The following CYSLTR1 variants were observed in gnomAD, a reference collection of about 807,000 sequenced individuals.
The protein encoded by CYSLTR1 is G-protein coupled receptor HG55.
A neutral mutation model predicts 2.1 loss-of-function variants in CYSLTR1; 1 was observed. The ratio of observed to expected loss-of-function variants is 0.48; its 90% CI spans 0.17 to 2.28. The LOEUF is 2.28. Among genes scored for constraint, CYSLTR1 ranks in the 30% most tolerant of loss-of-function variants. The probability of loss-of-function intolerance (pLI) is 0.26; values close to 1 mark genes in which losing one functional copy is unlikely to be tolerated. For synonymous variants in CYSLTR1, 110 were observed against 89.6 expected (o/e 1.23, Z -1.28); for missense variants, 299 against 250.1 (o/e 1.20, Z -1.32).
chrX:78,305,252 C>A (rs1310122146), intron 1 of CYSLTR1, among the ~76,000 whole-genome samples: 1 of 112,294 alleles, frequency 8.9e-6, no homozygotes, highest in Non-Finnish European at 1.9e-5. Flanking sequence ...TTTGCTCCAA[C>A]AAAGTGCAAT....
rs1923565762 is a variant in CYSLTR1 at position 78,319,727 on chromosome X, C to A, written c.-115+7578G>T. Reference sequence around the variant, plus strand: ...TGGTTGGACTGCTTTACAAACCCACCAACAGTGTAAAAGTGTTCCTATTTC... The same window carrying A: ...TGGTTGGACTGCTTTACAAACCCACAAACAGTGTAAAAGTGTTCCTATTTC... On this transcript the variant is annotated intron_variant, in intron 1 of 2. Transcript: ENST00000373304. 3.6e-5 allele frequency: 4 copies of A among 112,129 alleles called. No homozygotes were observed. In the South Asian group the frequency reaches 1.5e-3, roughly 42 times the overall value. 9.2% of individuals were successfully genotyped at this position (112,129 alleles called of 1,213,427 possible). A position where few individuals can be genotyped will look rare whatever the true frequency, so the allele number is the denominator to read the frequency against.
intron 2 of CYSLTR1, among the ~76,000 whole-genome samples, chrX:78,277,489 C>T (rs1416996680): frequency 7.1e-5 from 8 of 111,921 alleles, no homozygotes; most frequent in African/African-American, 9.8e-5. Flanking sequence ...ACCCCCCACA[C>T]CCCTGAAGTG....
chrX:78,279,370 A>G (rs1346719676), intron 2 of CYSLTR1, among the ~76,000 whole-genome samples: 1 of 112,131 alleles, frequency 8.9e-6, no homozygotes, highest in East Asian at 2.8e-4. Context: ...ATCACTAATC[A>G]GAGAAATGCA....
intron 1 of CYSLTR1, among the ~76,000 whole-genome samples, chrX:78,305,475 T>C (rs1922996842): frequency 9.0e-6 from 1 of 110,736 alleles, no homozygotes; most frequent in African/African-American, 3.3e-5. Context: ...GTTGGAGACA[T>C]CAGATATACT....
chrX:78,304,360 G>C (rs1008796429), intron 1 of CYSLTR1, among the ~76,000 whole-genome samples: 5 of 111,232 alleles, frequency 4.5e-5, no homozygotes, highest in African/African-American at 1.6e-4. Flanking sequence ...ATCATTTGTT[G>C]TATGAGAAGT....
intron 1 of CYSLTR1, among the ~76,000 whole-genome samples, chrX:78,285,362 C>T (rs1460754129): frequency 1.0e-5 from 1 of 100,480 alleles, no homozygotes; most frequent in Non-Finnish European, 2.0e-5. Flanking sequence ...GCGGAGCTTG[C>T]AGTGAGCCGA....
Position 78,271,636 on chromosome X carries a change from T to A in CYSLTR1, c.*1097A>T, listed in dbSNP as rs1450129534. On this transcript the variant is annotated 3_prime_UTR_variant, in exon 3 of 3. Coordinates refer to ENST00000373304, the MANE Select transcript of CYSLTR1 (RefSeq NM_006639.4). Reference sequence around the variant, plus strand: ...CAAAGCGTCCACTGTAATATAAAAGTCACTGTAAACATATCCATGATATTC... The same window carrying A: ...CAAAGCGTCCACTGTAATATAAAAGACACTGTAAACATATCCATGATATTC... 1 of 111,918 alleles carries A rather than the reference T, an allele frequency of 8.9e-6. No homozygotes were observed. The highest frequency in any genetic ancestry group is 1.9e-5 in the Non-Finnish European group (1 of 53,188). The allele number at this position is 111,918 out of a possible 1,213,427, so 9.2% of individuals were successfully genotyped here.
At chrX:78,295,434 G>A (rs1922536932) in intron 1 of CYSLTR1, among the ~76,000 whole-genome samples, 1 of 107,264 alleles carries the variant, frequency 9.3e-6, no homozygotes, top group Non-Finnish European at 1.9e-5. Flanking sequence ...AGATCATATG[G>A]GAATTCTATT....
chrX:78,323,855 G>A lies in CYSLTR1; in HGVS notation c.-115+3450C>T, dbSNP rs745340004. On this transcript the variant is annotated intron_variant, in intron 1 of 2. Coordinates refer to ENST00000373304, the MANE Select transcript of CYSLTR1 (RefSeq NM_006639.4). ...TGTCTGGGTTGTATTGATTCTGAAAGCACTCTAAGCAAGATAATGACATTT... is the reference window on the plus strand; with the variant it reads ...TGTCTGGGTTGTATTGATTCTGAAAACACTCTAAGCAAGATAATGACATTT... 3.6e-5 allele frequency among the ~76,000 whole-genome samples: 4 copies of A among 111,717 alleles called. No homozygotes were observed. The South Asian group carries it at 1.5e-3, about 42-fold the overall frequency.
At chrX:78,290,317 C>CT (rs1172404600) in intron 1 of CYSLTR1, among the ~76,000 whole-genome samples, 1 of 111,346 alleles carries the variant, frequency 9.0e-6, no homozygotes, top group Non-Finnish European at 1.9e-5. Flanking sequence ...TTCCATTGGT[C>CT]TGTATACCTG....
chrX:78,323,992 A>C (rs1847259619), intron 1 of CYSLTR1, among the ~76,000 whole-genome samples: 1 of 111,353 alleles, frequency 9.0e-6, no homozygotes, highest in South Asian at 3.8e-4. Flanking sequence ...TATCCCCCAA[A>C]TTTAAAGTAT....
At chrX:78,297,909 C>A (rs1282665592) in intron 1 of CYSLTR1, among the ~76,000 whole-genome samples, 1 of 110,231 alleles carries the variant, frequency 9.1e-6, no homozygotes, top group Non-Finnish European at 1.9e-5. Flanking sequence ...CTTTTTCTTC[C>A]ACTAATTTGG....
chrX:78,302,424 G>T (rs1490282997), intron 1 of CYSLTR1, among the ~76,000 whole-genome samples: 1 of 111,214 alleles, frequency 9.0e-6, no homozygotes, highest in African/African-American at 3.3e-5. Flanking sequence ...TGGCTGAGCT[G>T]GTACCTGAGG....
chrX:78,275,112 C>T (rs1178180220), intron 2 of CYSLTR1, among the ~76,000 whole-genome samples: 2 of 111,799 alleles, frequency 1.8e-5, no homozygotes, highest in Non-Finnish European at 1.9e-5. Context: ...GAAATAGGAA[C>T]ACTTTTGCAC....
At chrX:78,294,516 G>T (rs1389885044) in intron 1 of CYSLTR1, among the ~76,000 whole-genome samples, 2 of 112,677 alleles carry the variant, frequency 1.8e-5, no homozygotes, top group Non-Finnish European at 3.7e-5. Flanking sequence ...CTTTGGAGCT[G>T]TCAGACAGGG....
chrX:78,321,244 G>T (rs1216430993), intron 1 of CYSLTR1: 1 of 108,090 alleles, frequency 9.3e-6, no homozygotes, highest in African/African-American at 3.4e-5. Context: ...GATATATCTA[G>T]TAGGGTAGAA....
chrX:78,302,674 C>T (rs1203049737), intron 1 of CYSLTR1, among the ~76,000 whole-genome samples: 1 of 110,532 alleles, frequency 9.0e-6, no homozygotes, highest in Non-Finnish European at 1.9e-5. Flanking sequence ...TTCAAGGCAA[C>T]AGACTTCCTT....
At chrX:78,302,012 A>T (rs757563327) in intron 1 of CYSLTR1, among the ~76,000 whole-genome samples, 2 of 111,953 alleles carry the variant, frequency 1.8e-5, no homozygotes, top group African/African-American at 3.2e-5. Context: ...CTTATTTACT[A>T]TCACAAGAAC....
chrX:78,283,273 T>A (rs1405480688), intron 2 of CYSLTR1, among the ~76,000 whole-genome samples, 181 bp downstream of exon 2: 2 of 111,981 alleles, frequency 1.8e-5, no homozygotes, highest in Non-Finnish European at 3.8e-5. Flanking sequence ...CCTAGAAGTG[T>A]GAAGAGGTTA....
Sources: gnomAD v4.1 joint callset for allele counts (sites outside exome capture counted in the v4.1 genomes callset) on GRCh38, gnomAD v4.1.1 for gene constraint, MANE v1.5 for transcripts, NCBI Gene and HGNC (gene_info 2026-07-23, HGNC 2026-07-21) for gene names.